Variants in SLC35D4 observed in about 807,000 individuals in gnomAD.
SLC35D4 encodes the protein UDP-N-acetylglucosamine transporter SLC35D4.
chr18:23,242,278 CA>C, the SLC35D4 span, among the ~76,000 whole-genome samples: 23 of 149,672 alleles, frequency 1.5e-4, no homozygotes, highest in East Asian at 2.7e-3. Context: ...AACTCTGTCT[CA>C]AAAAAAAAAT....
chr18:23,334,414 A>G, the SLC35D4 span, among the ~76,000 whole-genome samples: 2 of 152,194 alleles, frequency 1.3e-5, no homozygotes, highest in African/African-American at 4.8e-5. Flanking sequence ...CCTCCCCTTC[A>G]ACCCTTCTCC....
At chr18:23,280,133 C>T in the SLC35D4 span, among the ~76,000 whole-genome samples, 1 of 152,268 alleles carries the variant, frequency 6.6e-6, no homozygotes, top group African/African-American at 2.4e-5. Flanking sequence ...GGCCCAGAGC[C>T]ATGCACCAGA....
chr18:23,396,931 T>C, the SLC35D4 span, among the ~76,000 whole-genome samples: 2 of 150,766 alleles, frequency 1.3e-5, no homozygotes, highest in East Asian at 3.9e-4. Flanking sequence ...CATGGACAGG[T>C]AACAAAGAAT....
the SLC35D4 span, chr18:23,253,091 G>T: frequency 5.9e-6 from 8 of 1,359,170 alleles, no homozygotes; most frequent in Non-Finnish European, 8.4e-6. Flanking sequence ...ACTTGCCTGT[G>T]ACCTTTCCCT....
At chr18:23,396,471 G>T in the SLC35D4 span, among the ~76,000 whole-genome samples, 1 of 152,160 alleles carries the variant, frequency 6.6e-6, no homozygotes, top group Non-Finnish European at 1.5e-5. Context: ...ACAAAGAAAA[G>T]ATGCTGGGTT....
the SLC35D4 span, among the ~76,000 whole-genome samples, chr18:23,392,769 G>A: frequency 6.6e-6 from 1 of 152,124 alleles, no homozygotes; most frequent in Admixed American, 6.5e-5. Flanking sequence ...CTTTACCCAA[G>A]TCCACTAACT....
At chr18:23,408,772 T>A in the SLC35D4 span, among the ~76,000 whole-genome samples, 1 of 151,792 alleles carries the variant, frequency 6.6e-6, no homozygotes, top group South Asian at 2.1e-4. Context: ...AAACTTAGAA[T>A]CTTGGAATAG....
At chr18:23,420,524 C>T in the SLC35D4 span, among the ~76,000 whole-genome samples, 7 of 151,818 alleles carry the variant, frequency 4.6e-5, no homozygotes, top group African/African-American at 1.5e-4. Flanking sequence ...CAGGCATGCA[C>T]CACACCTGGC....
At chr18:23,279,950 C>T in the SLC35D4 span, among the ~76,000 whole-genome samples, 6 of 152,182 alleles carry the variant, frequency 3.9e-5, no homozygotes, top group South Asian at 1.2e-3. Flanking sequence ...AGCGATCCTC[C>T]CACCTTGGCC....
At chr18:23,406,560 C>T in the SLC35D4 span, among the ~76,000 whole-genome samples, 1 of 152,192 alleles carries the variant, frequency 6.6e-6, no homozygotes, top group Non-Finnish European at 1.5e-5. Flanking sequence ...CAATCACAGT[C>T]AACCAAACAA....
the SLC35D4 span, among the ~76,000 whole-genome samples, chr18:23,350,709 T>C: frequency 3.5e-4 from 54 of 152,180 alleles, no homozygotes; most frequent in African/African-American, 1.3e-3. Flanking sequence ...TTCGTGTTCA[T>C]GCACCACCGA....
At chr18:23,410,340 G>A in the SLC35D4 span, among the ~76,000 whole-genome samples, 11 of 152,130 alleles carry the variant, frequency 7.2e-5, 1 homozygote, top group South Asian at 6.2e-4. Context: ...ATCCGGGTGC[G>A]GTGGTGGGCG....
the SLC35D4 span, among the ~76,000 whole-genome samples, chr18:23,246,859 A>AT: frequency 8.1e-4 from 122 of 150,242 alleles, 4 homozygotes; most frequent in African/African-American, 2.8e-3. Context: ...CGCCCAGCTA[A>AT]TTTTTGTATT....
the SLC35D4 span, among the ~76,000 whole-genome samples, chr18:23,374,579 G>C: frequency 4.0e-5 from 6 of 150,464 alleles, no homozygotes; most frequent in Non-Finnish European, 7.4e-5. Flanking sequence ...TCCGCCTCCC[G>C]GGTTCAAGCG....
chr18:23,307,803 C>T, the SLC35D4 span, among the ~76,000 whole-genome samples: 5 of 152,278 alleles, frequency 3.3e-5, no homozygotes, highest in East Asian at 5.8e-4. Context: ...ACCATCACAA[C>T]GGCCACACCT....
At chr18:23,283,388 C>T in the SLC35D4 span, among the ~76,000 whole-genome samples, 25 of 142,668 alleles carry the variant, frequency 1.8e-4, no homozygotes, top group South Asian at 1.6e-3. Context: ...GTGGGAGGAT[C>T]GCTTGAGCTG....
chr18:23,364,671 A>G, the SLC35D4 span, among the ~76,000 whole-genome samples: 1 of 152,028 alleles, frequency 6.6e-6, no homozygotes, highest in Non-Finnish European at 1.5e-5. Context: ...TTGGGAGGCC[A>G]AGGTGGGTGG....
the SLC35D4 span, among the ~76,000 whole-genome samples, chr18:23,430,246 AT>A: frequency 0.94 from 140,710 of 150,462 alleles, 65,824 homozygotes; most frequent in Admixed American, 0.95. Context: ...TTTCTTTTTT[AT>A]TTTTTTTTTG....
the SLC35D4 span, among the ~76,000 whole-genome samples, chr18:23,377,258 G>A: frequency 6.6e-6 from 1 of 152,192 alleles, no homozygotes; most frequent in East Asian, 1.9e-4. Context: ...CAGATCCCAG[G>A]ACTTCCAGGC....
Sources: gnomAD v4.1 joint callset for allele counts (sites outside exome capture counted in the v4.1 genomes callset) on GRCh38, gnomAD v4.1.1 for gene constraint, MANE v1.5 for transcripts, NCBI Gene and HGNC (gene_info 2026-07-23, HGNC 2026-07-21) for gene names.